The following KCNH5 variants were observed in gnomAD, a reference collection of about 807,000 sequenced individuals.
The protein encoded by KCNH5 is potassium voltage-gated channel subfamily H member 5, also known as voltage-gated delayed rectifier potassium channel KCNH5.
KCNH5 carries 46 observed loss-of-function variants against 96.1 expected under a neutral mutation model. The ratio of observed to expected loss-of-function variants is 0.48; its 90% CI spans 0.38 to 0.61. KCNH5 has a LOEUF of 0.61. Ranked by LOEUF, KCNH5 falls within the 20% of genes least tolerant of loss-of-function variation. The pLI is 0.00. For missense variants in KCNH5, 907 were observed against 1,225.8 expected (o/e 0.74, Z 3.88); for synonymous variants, 439 against 449.8 (o/e 0.98, Z 0.30).
chr14:62,790,633 T>C (rs1167737593), intron 9 of KCNH5, among the ~76,000 whole-genome samples: 1 of 151,598 alleles, frequency 6.6e-6, no homozygotes, highest in African/African-American at 2.4e-5. Context: ...ATTGGTGGTA[T>C]ACCCAGAGTC....
chr14:62,905,898 C>A (rs1168395431), intron 7 of KCNH5, among the ~76,000 whole-genome samples: 1 of 152,234 alleles, frequency 6.6e-6, no homozygotes. Flanking sequence ...ACCAGGCCCA[C>A]TTCACATCCA....
At chr14:62,870,086 C>G (rs1378174624) in intron 7 of KCNH5, among the ~76,000 whole-genome samples, 1 of 145,592 alleles carries the variant, frequency 6.9e-6, no homozygotes, top group African/African-American at 2.8e-5. Context: ...GCAAAAGAGA[C>G]CTTTTAGGAA....
At chr14:62,872,696 G>T (rs916111252) in intron 7 of KCNH5, among the ~76,000 whole-genome samples, 19 of 150,678 alleles carry the variant, frequency 1.3e-4, no homozygotes, top group African/African-American at 4.4e-4. Context: ...CCATCTTAAA[G>T]AAAAAATCTA....
chr14:62,841,665 T>G lies in KCNH5; in HGVS notation c.1569+7988A>C, dbSNP rs544485736. 5.2e-3 allele frequency among the ~76,000 whole-genome samples: 787 copies of G among 152,370 alleles called. 5 individuals are homozygous for G. Among genetic ancestry groups the G allele is most frequent in the African/African-American group, 0.015 (640 of 41,594 alleles). ...ATGGTGCCAGGCATAACACAGTGCC[T>G]GTAGTTTATAACCTGTAAAGGATGA... On this transcript the variant is annotated intron_variant, in intron 8 of 10. Transcript: ENST00000322893.
At chr14:62,832,737 A>T (rs1887381284) in intron 8 of KCNH5, among the ~76,000 whole-genome samples, 1 of 152,188 alleles carries the variant, frequency 6.6e-6, no homozygotes, top group Non-Finnish European at 1.5e-5. Flanking sequence ...ATATATAAGC[A>T]TTCCAGTTTC....
intron 8 of KCNH5, among the ~76,000 whole-genome samples, chr14:62,824,752 T>G (rs1887185757): frequency 6.6e-6 from 1 of 152,078 alleles, no homozygotes; most frequent in Admixed American, 6.6e-5. Flanking sequence ...TAGTTAGTTT[T>G]TCAACCATTG....
chr14:62,947,714 G>GACAC (rs373941818), intron 7 of KCNH5, among the ~76,000 whole-genome samples: 4,675 of 149,590 alleles, frequency 0.031, 103 homozygotes, highest in East Asian at 0.076. Flanking sequence ...GGACAGCTTA[G>GACAC]ACACACACAC....
intron 10 of KCNH5, among the ~76,000 whole-genome samples, chr14:62,739,221 T>C (rs1885221502): frequency 6.6e-6 from 1 of 152,306 alleles, no homozygotes; most frequent in Non-Finnish European, 1.5e-5. Context: ...GCACTTCTTA[T>C]GAATTAAATC....
At chr14:62,816,897 C>G (rs1366402117) in intron 8 of KCNH5, among the ~76,000 whole-genome samples, 1 of 151,132 alleles carries the variant, frequency 6.6e-6, no homozygotes, top group African/African-American at 2.4e-5. Flanking sequence ...TTCACAGATT[C>G]TCTCTTCTTC....
intron 9 of KCNH5, among the ~76,000 whole-genome samples, chr14:62,780,414 C>T (rs908336599): frequency 7.9e-5 from 12 of 152,014 alleles, no homozygotes; most frequent in Admixed American, 2.6e-4. Flanking sequence ...TTAAAACTTG[C>T]CACAACTTAG....
chr14:62,855,753 T>C, intron 7 of KCNH5, among the ~76,000 whole-genome samples: 1 of 152,088 alleles, frequency 6.6e-6, no homozygotes, highest in East Asian at 1.9e-4. Context: ...ATATGAACAT[T>C]AAAGACATGA....
chr14:62,837,264 G>A (rs1035544484), intron 8 of KCNH5, among the ~76,000 whole-genome samples: 5 of 152,144 alleles, frequency 3.3e-5, no homozygotes, highest in African/African-American at 7.2e-5. Flanking sequence ...TGAGTCCTGC[G>A]TGGCAGGAAC....
At chr14:62,735,732 C>A (rs367710842) in intron 10 of KCNH5, among the ~76,000 whole-genome samples, 1 of 152,168 alleles carries the variant, frequency 6.6e-6, no homozygotes, top group Non-Finnish European at 1.5e-5. Flanking sequence ...TGATACCCAG[C>A]ATCTTCAATG....
intron 10 of KCNH5, among the ~76,000 whole-genome samples, chr14:62,724,204 C>T (rs1884874906): frequency 1.3e-5 from 2 of 152,218 alleles, no homozygotes; most frequent in East Asian, 1.9e-4. Flanking sequence ...TTGATAACTT[C>T]CTTTGCCGGA....
intron 6 of KCNH5, among the ~76,000 whole-genome samples, chr14:62,970,525 A>T (rs1890387684): frequency 6.6e-6 from 1 of 152,208 alleles, no homozygotes; most frequent in Non-Finnish European, 1.5e-5. Flanking sequence ...CCAGACAAAG[A>T]CATTACAAGA....
At chr14:62,874,876 A>G (rs1888337874) in intron 7 of KCNH5, among the ~76,000 whole-genome samples, 2 of 139,634 alleles carry the variant, frequency 1.4e-5, no homozygotes, top group African/African-American at 5.4e-5. Context: ...AAGGGTATTC[A>G]ATTAGGAAAA....
intron 10 of KCNH5, among the ~76,000 whole-genome samples, chr14:62,714,375 T>C (rs772221399): frequency 2.0e-5 from 3 of 152,290 alleles, no homozygotes; most frequent in African/African-American, 4.8e-5. Flanking sequence ...AGTGGAAACA[T>C]TGATGAATTT....
intron 7 of KCNH5, among the ~76,000 whole-genome samples, chr14:62,860,898 C>T (rs1352417989): frequency 6.6e-6 from 1 of 152,174 alleles, no homozygotes; most frequent in East Asian, 1.9e-4. Context: ...CTCCATGTTT[C>T]TCAGAAATTT....
At position 62,981,267 on chromosome 14, in the gene KCNH5, A is replaced by G; in HGVS notation, c.550-3T>C. On this transcript the variant is annotated splice_polypyrimidine_tract_variant and splice_region_variant and intron_variant, in intron 5 of 10. Transcript: ENST00000322893. Reference sequence around the variant, plus strand: ...ATATCTGATCCCAGCTGAAGAACCTAAAAGAGAGAAAATGTATTTATACAT... The same window carrying G: ...ATATCTGATCCCAGCTGAAGAACCTGAAAGAGAGAAAATGTATTTATACAT... The G allele has an allele frequency of 6.2e-7, 1 of 1,613,446 alleles. No homozygotes were observed. Among genetic ancestry groups the G allele is most frequent in the Non-Finnish European group, 8.5e-7 (1 of 1,179,704 alleles).
Sources: allele counts gnomAD v4.1 joint callset (sites outside exome capture counted in the v4.1 genomes callset), GRCh38; gene constraint gnomAD v4.1.1; transcripts MANE v1.5; gene names NCBI Gene and HGNC (gene_info 2026-07-23, HGNC 2026-07-21).